KPNA6: variants seen among roughly 807,000 people sequenced by gnomAD.
KPNA6 encodes karyopherin subunit alpha 6, also known as importin subunit alpha-7.
In KPNA6, 9 loss-of-function variants were observed where a neutral mutation model predicts 72.0. The observed-to-expected ratio is 0.13, with a 90% CI of 0.08 to 0.22. The LOEUF (loss-of-function observed/expected upper bound fraction) is 0.22, where lower values mean the gene tolerates loss of function less well. Ranked by LOEUF, KPNA6 falls within the 10% of genes least tolerant of loss-of-function variation. The pLI, the probability that KPNA6 is intolerant of heterozygous loss-of-function variation, is 1.00. For missense variants in KPNA6, 374 were observed against 655.7 expected, an observed-to-expected ratio of 0.57 and a Z score of 4.69; for synonymous variants, 219 against 242.1, an observed-to-expected ratio of 0.90 and a Z score of 0.89.
chr1:32,109,822 A>G (rs536265054), intron 1 of KPNA6, among the ~76,000 whole-genome samples: 3 of 149,608 alleles, frequency 2.0e-5, no homozygotes, highest in African/African-American at 7.4e-5. Context: ...TTTTTTTTGT[A>G]TTTTTTTGTA....
chr1:32,116,519 G>A (rs967714949), intron 1 of KPNA6, among the ~76,000 whole-genome samples: 2 of 152,088 alleles, frequency 1.3e-5, no homozygotes, highest in African/African-American at 4.8e-5. Context: ...TTAGCCGGGT[G>A]TGGTGGCACA....
chr1:32,148,570 CT>C (rs1354307948), intron 1 of KPNA6, among the ~76,000 whole-genome samples: 41 of 117,580 alleles, frequency 3.5e-4, no homozygotes, highest in South Asian at 8.4e-4. Context: ...TTTTTTTTTT[CT>C]TTTTTTTTTT....
In KPNA6 at chr1:32,170,836, C is replaced by T. The variant is rs997693505; in HGVS notation, c.1553C>T (p.Thr518Met). The T allele has an allele frequency of 6.2e-6, 10 of 1,614,044 alleles. No homozygotes were observed. The highest frequency in any genetic ancestry group is 5.3e-5 in the African/African-American group (4 of 74,908). ...AGCCTGGCTCCCCAAGTCGATGAAA[C>T]GCAACAGCAGTTCATCTTCCAGCAG... ...DSSLAPQVDE[T>M]QQQFIFQQPE... Residue 518 changes from threonine to methionine, a missense_variant, in exon 14 of 14, where the codon ACG becomes ATG. Thr to Met is a moderately conservative substitution (Grantham distance 81). Around this residue, in one of 3 missense-constraint regions of KPNA6, gnomAD observed 42 missense variants for 49.8 expected, o/e 0.84. Transcript: ENST00000373625.
At chr1:32,139,454 A>G (rs1557469292) in intron 1 of KPNA6, among the ~76,000 whole-genome samples, 1 of 152,174 alleles carries the variant, frequency 6.6e-6, no homozygotes, top group Non-Finnish European at 1.5e-5. Flanking sequence ...CAATTACTAT[A>G]TATATATGTT....
At position 32,108,074 on chromosome 1, in the gene KPNA6, T is replaced by C; in HGVS notation, c.-57T>C. 6.2e-7 allele frequency: 1 copy of C among 1,613,578 alleles called. No individual in the cohort carries two copies. The highest frequency in any genetic ancestry group is 8.5e-7 in the Non-Finnish European group (1 of 1,179,672). ...ATCCGCCATATTGTCTACTGAAAGC[T>C]GCCGCTGAAGCTGCCGCCGTTGCCT... On this transcript the variant is annotated 5_prime_UTR_variant, in exon 1 of 14. Transcript: ENST00000373625.
chr1:32,143,592 GAAAA>G (rs200170133), intron 1 of KPNA6, among the ~76,000 whole-genome samples: 3 of 138,552 alleles, frequency 2.2e-5, no homozygotes, highest in African/African-American at 8.1e-5. Flanking sequence ...AAAAAGAAAA[GAAAA>G]AAAAATTATT....
At chr1:32,132,479 G>A (rs1364521635) in intron 1 of KPNA6, among the ~76,000 whole-genome samples, 2 of 152,106 alleles carry the variant, frequency 1.3e-5, no homozygotes, top group Admixed American at 6.5e-5. Context: ...TTATAGAAAT[G>A]GGGTTTTGCC....
chr1:32,169,632 A>G lies in KPNA6; in HGVS notation c.1245-250A>G, dbSNP rs919442163. ...TGGCCAATTTTTTTTTTTTTTTTGT[A>G]TTTTTTTTTAGTAGAGACGGGGTTT... On this transcript the variant is annotated intron_variant, in intron 12 of 13. Coordinates refer to ENST00000373625, the MANE Select transcript of KPNA6 (RefSeq NM_012316.5). Among the ~76,000 whole-genome samples the G allele has an allele frequency of 4.9e-5, 5 of 101,572 alleles. No individual in the cohort carries two copies. In the South Asian group the frequency reaches 9.8e-4, roughly 20 times the overall value. The allele number at this position is 101,572 out of a possible 152,430, so 66.6% of individuals were successfully genotyped here. A position where few individuals can be genotyped will look rare whatever the true frequency, so the allele number is the denominator to read the frequency against.
At chr1:32,130,364 T>C (rs1570012546) in intron 1 of KPNA6, among the ~76,000 whole-genome samples, 1 of 152,130 alleles carries the variant, frequency 6.6e-6, no homozygotes, top group East Asian at 1.9e-4. Flanking sequence ...ATTGCCTGCC[T>C]TGGTGCCTTA....
chr1:32,150,554 T>C (rs879112877), intron 1 of KPNA6, among the ~76,000 whole-genome samples: 2 of 152,184 alleles, frequency 1.3e-5, no homozygotes, highest in Admixed American at 1.3e-4. Flanking sequence ...AAGTGTCATT[T>C]CTGGATCTAA....
intron 1 of KPNA6, among the ~76,000 whole-genome samples, chr1:32,125,478 C>CA (rs148159630): frequency 0.026 from 3,967 of 152,292 alleles, 181 homozygotes; most frequent in African/African-American, 0.09. Flanking sequence ...AGCGATCAAT[C>CA]AAGAGAAAGT....
chr1:32,148,269 T>C (rs2124039370), intron 1 of KPNA6, among the ~76,000 whole-genome samples: 1 of 152,078 alleles, frequency 6.6e-6, no homozygotes, highest in East Asian at 1.9e-4. Flanking sequence ...CATGCCTGGC[T>C]AATTGGTTTT....
intron 1 of KPNA6, 135 bp downstream of exon 1, chr1:32,108,269 C>T (rs1641179645): frequency 2.3e-6 from 3 of 1,296,908 alleles, no homozygotes; most frequent in Non-Finnish European, 3.3e-6. Context: ...AAAGTCAGGC[C>T]GGGAGTGCCC....
At chr1:32,163,675 T>C (rs1363471636) in intron 10 of KPNA6, among the ~76,000 whole-genome samples, 2 of 152,230 alleles carry the variant, frequency 1.3e-5, no homozygotes, top group East Asian at 3.8e-4. Flanking sequence ...CCTAGATCTT[T>C]AAGGTCTCAT....
At chr1:32,166,304 A>G (rs961110339) in intron 11 of KPNA6, 74 bp downstream of exon 11, 1 of 1,513,752 alleles carries the variant, frequency 6.6e-7, no homozygotes, top group Non-Finnish European at 8.9e-7. Flanking sequence ...ATTTGCTTTC[A>G]GAAGAAAGAA....
At position 32,171,543 on chromosome 1, in the gene KPNA6, T is replaced by C. The variant is rs762128919; in HGVS notation, c.*649T>C. Reference sequence around the variant, plus strand: ...GTTTTAGTAAACCCAGCTGCCTGCATTGCCTGGGACTAGAGGCTGGGGAGG... The same window carrying C: ...GTTTTAGTAAACCCAGCTGCCTGCACTGCCTGGGACTAGAGGCTGGGGAGG... On this transcript the variant is annotated 3_prime_UTR_variant, in exon 14 of 14. Transcript: ENST00000373625. The C allele has an allele frequency of 3.9e-5, 6 of 152,346 alleles. No individual in the cohort carries two copies. Among genetic ancestry groups the C allele is most frequent in the Admixed American group, 1.3e-4 (2 of 15,304 alleles). 9.4% of individuals were successfully genotyped at this position (152,346 alleles called of 1,614,324 possible). A position where few individuals can be genotyped will look rare whatever the true frequency, so the allele number is the denominator to read the frequency against.
In KPNA6 at chr1:32,167,386, C is replaced by T. The variant is rs1234876519; in HGVS notation, c.1244+90C>T. The T allele has an allele frequency of 2.9e-5, 42 of 1,473,118 alleles. 1 individual carries two copies. The Admixed American group carries it at 7.2e-4, about 25-fold the overall frequency. The allele number at this position is 1,473,118 out of a possible 1,614,324, so 91.3% of individuals were successfully genotyped here. ...ACAGGTGACCTATAAACTGCTCTTG[C>T]TCAGACAGGTCTGCCCCCTAGTCTC... On this transcript the variant is annotated intron_variant, in intron 12 of 13. Transcript: ENST00000373625.
At chr1:32,151,087 C>T (rs1642024629) in intron 1 of KPNA6, among the ~76,000 whole-genome samples, 1 of 152,150 alleles carries the variant, frequency 6.6e-6, no homozygotes, top group Non-Finnish European at 1.5e-5. Flanking sequence ...AGCCACCATG[C>T]CTGGCTCTGG....
rs1641394698 is a variant in KPNA6 at position 32,119,584 on chromosome 1, A to G, written c.4+11450A>G. 2.0e-5 allele frequency among the ~76,000 whole-genome samples: 3 copies of G among 152,160 alleles called. No homozygotes were observed. In the South Asian group the frequency reaches 6.2e-4, roughly 31 times the overall value. ...ATTTTATATTCTAGTGAATAATTTTATGAAATAAACCAAAGGGAGACTGTT... is the reference window on the plus strand; with the variant it reads ...ATTTTATATTCTAGTGAATAATTTTGTGAAATAAACCAAAGGGAGACTGTT... On this transcript the variant is annotated intron_variant, in intron 1 of 13. Transcript: ENST00000373625.
Sources: gnomAD v4.1 joint callset for allele counts (sites outside exome capture counted in the v4.1 genomes callset) on GRCh38, gnomAD v4.1.1 for gene constraint, gnomAD v4.1.1 regional missense constraint, MANE v1.5 for transcripts, NCBI Gene and HGNC (gene_info 2026-07-23, HGNC 2026-07-21) for gene names.